Variants in DNM3 observed in about 807,000 individuals in gnomAD.
DNM3 encodes dynamin 3, also known as dynamin-3.
Under a neutral mutation model 101.6 loss-of-function variants are expected in DNM3, and 47 were observed. The observed-to-expected ratio is 0.46, with a 90% confidence interval of 0.37 to 0.59. The LOEUF (loss-of-function observed/expected upper bound fraction) is 0.59. Ranked by LOEUF, DNM3 falls within the 20% of genes least tolerant of loss-of-function variation. The probability of loss-of-function intolerance (pLI) is 0.00; values close to 1 mark genes in which losing one functional copy is unlikely to be tolerated. For missense variants in DNM3, 849 were observed against 1,085.7 expected (o/e 0.78, Z 3.06); for synonymous variants, 385 against 387.9 (o/e 0.99, Z 0.09).
intron 11 of DNM3, among the ~76,000 whole-genome samples, chr1:172,069,510 T>C (rs1479180345): frequency 1.3e-5 from 2 of 152,242 alleles, no homozygotes. Context: ...CTTTGTAATT[T>C]GGAAAGATTA....
chr1:172,356,791 G>T (rs969448095), intron 17 of DNM3, among the ~76,000 whole-genome samples: 2 of 151,796 alleles, frequency 1.3e-5, no homozygotes, highest in Non-Finnish European at 2.9e-5. Context: ...AAAAGATAAG[G>T]TTACTTTATA....
intron 2 of DNM3, among the ~76,000 whole-genome samples, chr1:171,963,624 G>A (rs1021679129): frequency 1.3e-5 from 2 of 151,914 alleles, no homozygotes; most frequent in African/African-American, 4.8e-5. Flanking sequence ...GCAGGAGGTG[G>A]GATATATGGG....
At chr1:172,039,096 G>T (rs995598713) in intron 7 of DNM3, among the ~76,000 whole-genome samples, 7 of 152,076 alleles carry the variant, frequency 4.6e-5, no homozygotes, top group Non-Finnish European at 7.4e-5. Flanking sequence ...GCAGAGAATT[G>T]TTAGAGAATT....
chr1:172,080,442 C>T (rs766451768), intron 11 of DNM3, among the ~76,000 whole-genome samples: 1 of 152,152 alleles, frequency 6.6e-6, no homozygotes, highest in Non-Finnish European at 1.5e-5. Flanking sequence ...AAACTGCCTA[C>T]TAAAGCCTCA....
chr1:172,126,809 T>G (rs146919524), intron 13 of DNM3, among the ~76,000 whole-genome samples: 1 of 152,198 alleles, frequency 6.6e-6, no homozygotes, highest in South Asian at 2.1e-4. Context: ...TTTCTCTGCT[T>G]GACCTAGATT....
chr1:171,852,317 C>CTTGT (rs1158930816), intron 1 of DNM3, among the ~76,000 whole-genome samples: 1 of 152,172 alleles, frequency 6.6e-6, no homozygotes, highest in Admixed American at 6.5e-5. Context: ...ATTTAATAAA[C>CTTGT]TTGTTTGTAA....
intron 11 of DNM3, among the ~76,000 whole-genome samples, chr1:172,073,383 A>G (rs1462199269): frequency 1.3e-5 from 2 of 152,150 alleles, no homozygotes; most frequent in Non-Finnish European, 2.9e-5. Flanking sequence ...AAACATATAT[A>G]TGCATATAGG....
intron 14 of DNM3, among the ~76,000 whole-genome samples, chr1:172,233,762 G>T (rs2061428740): frequency 6.6e-6 from 1 of 152,016 alleles, no homozygotes; most frequent in African/African-American, 2.4e-5. Context: ...ATGTAATCCA[G>T]CATATAAACA....
At chr1:172,305,157 G>C (rs972534812) in intron 15 of DNM3, among the ~76,000 whole-genome samples, 2 of 152,112 alleles carry the variant, frequency 1.3e-5, no homozygotes, top group East Asian at 3.9e-4. Flanking sequence ...AAGAAGAAAA[G>C]AGAGAAGAAT....
intron 14 of DNM3, among the ~76,000 whole-genome samples, chr1:172,232,954 C>T (rs1248294757): frequency 6.6e-6 from 1 of 152,114 alleles, no homozygotes; most frequent in Non-Finnish European, 1.5e-5. Flanking sequence ...CTAAAATTGA[C>T]ACCCTAACAT....
At chr1:172,355,793 T>C (rs557828350) in intron 17 of DNM3, among the ~76,000 whole-genome samples, 1 of 152,268 alleles carries the variant, frequency 6.6e-6, no homozygotes, top group East Asian at 1.9e-4. Flanking sequence ...TGTGAAGATC[T>C]AATATATGTT....
intron 13 of DNM3, among the ~76,000 whole-genome samples, chr1:172,120,046 T>C (rs2056207999): frequency 1.3e-5 from 2 of 152,178 alleles, no homozygotes; most frequent in Admixed American, 1.3e-4. Context: ...TCGAATCTCT[T>C]CACCAACCCA....
intron 14 of DNM3, among the ~76,000 whole-genome samples, chr1:172,208,992 G>C (rs896476773): frequency 6.6e-6 from 1 of 152,052 alleles, no homozygotes; most frequent in African/African-American, 2.4e-5. Flanking sequence ...GGTTGGGAAA[G>C]CTCTGTCATG....
In DNM3 at chr1:171,841,520, G is replaced by T. The variant is rs1214987956; in HGVS notation, c.-137G>T. The T allele has an allele frequency of 3.2e-6, 4 of 1,238,210 alleles. No individual in the cohort carries two copies. In the Admixed American group the frequency reaches 1.3e-4, roughly 41 times the overall value. The allele number at this position is 1,238,210 out of a possible 1,614,324, so 76.7% of individuals were successfully genotyped here. ...GTCAGAGCCAAGCGGCGGGCTGGCG[G>T]CGGGCTCCGACGTCTGCGCCAGGAC... On this transcript the variant is annotated 5_prime_UTR_variant, in exon 1 of 21. Transcript: ENST00000627582.
At position 172,151,064 on chromosome 1, in the gene DNM3, T is replaced by C. The variant is rs549564948; in HGVS notation, c.1659+19776T>C. On this transcript the variant is annotated intron_variant, in intron 14 of 20. Coordinates refer to ENST00000627582, the MANE Select transcript of DNM3 (RefSeq NM_015569.5). ...GTATGTGAGCATATATATGTGTATA[T>C]AGTATATGTAAATATGTATATAAGT... 2.6e-5 allele frequency among the ~76,000 whole-genome samples: 4 copies of C among 152,348 alleles called. No homozygotes were observed. The South Asian group carries it at 6.2e-4, about 24-fold the overall frequency.
At chr1:172,086,292 C>T (rs1418123031) in intron 12 of DNM3, among the ~76,000 whole-genome samples, 1 of 152,126 alleles carries the variant, frequency 6.6e-6, no homozygotes, top group African/African-American at 2.4e-5. Flanking sequence ...TTTCTTCTCC[C>T]TTTGGCTTCA....
rs866433020 is a variant in DNM3 at position 172,129,845 on chromosome 1, T to A, written c.1546-1330T>A. ...ACTATCACTATACTTTGAGTATTAG[T>A]CTGTTCTTTGTGAAGTAGAGAGTTA... On this transcript the variant is annotated intron_variant, in intron 13 of 20. Transcript: ENST00000627582. 7.9e-5 allele frequency among the ~76,000 whole-genome samples: 12 copies of A among 152,296 alleles called. 2 individuals carry two copies. The South Asian group carries it at 2.5e-3, about 32-fold the overall frequency.
At chr1:172,326,330 T>C (rs2065936108) in intron 17 of DNM3, among the ~76,000 whole-genome samples, 1 of 152,156 alleles carries the variant, frequency 6.6e-6, no homozygotes, top group Non-Finnish European at 1.5e-5. Context: ...TTGCTCAGGG[T>C]AGAGTCTATC....
chr1:172,010,613 A>ATTTTTTT (rs749047166), intron 4 of DNM3, among the ~76,000 whole-genome samples: 1 of 47,196 alleles, frequency 2.1e-5, no homozygotes, highest in Non-Finnish European at 4.1e-5. Flanking sequence ...TATTATGGCT[A>ATTTTTTT]TTTTTTTTTT....
Sources: gnomAD v4.1 joint callset for allele counts (sites outside exome capture counted in the v4.1 genomes callset) on GRCh38, gnomAD v4.1.1 for gene constraint, MANE v1.5 for transcripts, NCBI Gene and HGNC (gene_info 2026-07-23, HGNC 2026-07-21) for gene names.